Variants in DMD observed in about 807,000 individuals in gnomAD.
The protein encoded by DMD is dystrophin.
In DMD, 63 loss-of-function variants were observed where a neutral mutation model predicts 330.1. That is an observed-to-expected ratio of 0.19 (90% CI 0.16 to 0.24). The LOEUF (loss-of-function observed/expected upper bound fraction) is 0.24, where lower values mean the gene tolerates loss of function less well. Ranked by LOEUF, DMD falls within the 10% of genes least tolerant of loss-of-function variation. The pLI is 1.00. For synonymous variants in DMD, 1,223 were observed against 959.8 expected (o/e 1.27, Z -5.07); for missense variants, 3,344 against 2,684.1 (o/e 1.25, Z -5.43).
At chrX:31,420,636 T>C (rs1421347027) in intron 60 of DMD, among the ~76,000 whole-genome samples, 2 of 112,405 alleles carry the variant, frequency 1.8e-5, no homozygotes, top group Non-Finnish European at 3.8e-5. Context: ...CGTGGCTTCA[T>C]GTTCCAGCAA....
chrX:31,800,755 G>A (rs1265043066), intron 50 of DMD, among the ~76,000 whole-genome samples: 1 of 111,689 alleles, frequency 9.0e-6, no homozygotes, highest in Non-Finnish European at 1.9e-5. Flanking sequence ...TCTCTCTCAA[G>A]TTCAAATTTC....
chrX:32,985,889 C>T (rs1399645273), intron 2 of DMD, among the ~76,000 whole-genome samples: 1 of 111,448 alleles, frequency 9.0e-6, no homozygotes, highest in African/African-American at 3.3e-5. Flanking sequence ...CCAAAGGCAT[C>T]GTGTATTTGC....
chrX:33,053,151 C>T (rs1051767560), intron 1 of DMD, among the ~76,000 whole-genome samples: 33 of 111,584 alleles, frequency 3.0e-4, no homozygotes, highest in Non-Finnish European at 5.8e-4. Context: ...CATTTAATTA[C>T]TCACGTAATT....
Position 33,146,930 on chromosome X carries a change from C to T in DMD, c.31+64352G>A, listed in dbSNP as rs774486863. ...CTCCGCCTCCCAGGTTCAAGCGATT[C>T]TCCTGCCTCAGCCTCCCGAGTAGCT... is the stretch of plus-strand genomic sequence containing the variant. On this transcript the variant is annotated intron_variant, in intron 1 of 78. Transcript: ENST00000357033. 5.4e-5 allele frequency among the ~76,000 whole-genome samples: 6 copies of T among 110,566 alleles called. No homozygotes were observed. In the East Asian group the frequency reaches 8.6e-4, roughly 16 times the overall value.
chrX:33,202,490 T>C (rs1158260712), intron 1 of DMD, among the ~76,000 whole-genome samples: 2 of 112,110 alleles, frequency 1.8e-5, no homozygotes, highest in Non-Finnish European at 3.8e-5. Context: ...TGACACTTAT[T>C]ACAGGCTTGT....
At chrX:31,331,887 T>C (rs181303226) in intron 61 of DMD, among the ~76,000 whole-genome samples, 4 of 112,212 alleles carry the variant, frequency 3.6e-5, no homozygotes, top group Non-Finnish European at 7.5e-5. Flanking sequence ...GCAACTCAGA[T>C]ATTAAAAACC....
In DMD at chrX:32,190,055, T is replaced by A. The variant is rs139260498; in HGVS notation, c.6438+26861A>T. Reference sequence around the variant, plus strand: ...ACCAGTGATTTTCAACTAGGGATGATTTTGCTCCCCAAGGGACATTTGGAA... The same window carrying A: ...ACCAGTGATTTTCAACTAGGGATGAATTTGCTCCCCAAGGGACATTTGGAA... On this transcript the variant is annotated intron_variant, in intron 44 of 78. Coordinates refer to ENST00000357033, the MANE Select transcript of DMD (RefSeq NM_004006.3). 6.2e-4 allele frequency among the ~76,000 whole-genome samples: 69 copies of A among 110,617 alleles called. No homozygotes were observed. The East Asian group carries it at 0.018, about 29-fold the overall frequency.
At chrX:31,366,273 C>T (rs1419054618) in intron 60 of DMD, among the ~76,000 whole-genome samples, 1 of 109,035 alleles carries the variant, frequency 9.2e-6, no homozygotes, top group East Asian at 2.9e-4. Context: ...ATGTCTCAGG[C>T]TACGCACCAC....
intron 63 of DMD, among the ~76,000 whole-genome samples, chrX:31,256,601 A>G (rs1175093125): frequency 8.9e-6 from 1 of 111,918 alleles, no homozygotes; most frequent in Non-Finnish European, 1.9e-5. Context: ...CTCTACCACT[A>G]AAATGTCTAC....
At chrX:32,795,118 G>A (rs1200665664) in intron 7 of DMD, among the ~76,000 whole-genome samples, 1 of 111,808 alleles carries the variant, frequency 8.9e-6, no homozygotes, top group Non-Finnish European at 1.9e-5. Context: ...GTCCCTATCA[G>A]AATACAGAAA....
intron 77 of DMD, among the ~76,000 whole-genome samples, chrX:31,133,523 T>A (rs182905697): frequency 0.038 from 4,222 of 111,550 alleles, 134 homozygotes; most frequent in East Asian, 0.15. Context: ...AAAAGAAAAA[T>A]ATTAATGTCT....
At chrX:32,900,726 T>C (rs1007590074) in intron 2 of DMD, among the ~76,000 whole-genome samples, 1 of 111,145 alleles carries the variant, frequency 9.0e-6, no homozygotes, top group Non-Finnish European at 1.9e-5. Context: ...AAATCTTATA[T>C]GTACATCTAT....
chrX:32,069,313 G>A (rs1212519307), intron 44 of DMD, among the ~76,000 whole-genome samples: 1 of 111,132 alleles, frequency 9.0e-6, no homozygotes, highest in Admixed American at 9.6e-5. Flanking sequence ...TAAAATAAAA[G>A]CTAAATCTAA....
chrX:32,767,067 G>A, intron 7 of DMD, among the ~76,000 whole-genome samples: 1 of 111,066 alleles, frequency 9.0e-6, no homozygotes, highest in Middle Eastern at 4.7e-3. Context: ...CATTTACCTG[G>A]CTTCCAACCA....
intron 62 of DMD, among the ~76,000 whole-genome samples, chrX:31,280,832 C>T (rs1168709719): frequency 8.9e-6 from 1 of 111,750 alleles, no homozygotes; most frequent in African/African-American, 3.2e-5. Flanking sequence ...ATCCTCTCAT[C>T]CAATACAGAA....
chrX:33,272,664 G>GA (rs113135101), intron 1 of DMD, among the ~76,000 whole-genome samples: 2,393 of 84,539 alleles, frequency 0.028, 68 homozygotes, highest in African/African-American at 0.073. Context: ...ACATCAAAAT[G>GA]AAAAAAAAAA....
chrX:32,602,386 A>G (rs2056299244), intron 12 of DMD, among the ~76,000 whole-genome samples: 2 of 112,035 alleles, frequency 1.8e-5, no homozygotes, highest in East Asian at 5.6e-4. Flanking sequence ...TGAATAAATA[A>G]TTATAAAATG....
At chrX:32,627,258 T>TA (rs1220906123) in intron 11 of DMD, among the ~76,000 whole-genome samples, 1 of 97,646 alleles carries the variant, frequency 1.0e-5, no homozygotes, top group Non-Finnish European at 1.9e-5. Context: ...TTGTTAGGGT[T>TA]AACATGAACC....
intron 44 of DMD, among the ~76,000 whole-genome samples, chrX:31,971,545 A>G (rs2095399933): frequency 9.0e-6 from 1 of 110,819 alleles, no homozygotes; most frequent in South Asian, 3.8e-4. Context: ...TTTGTATGAG[A>G]AGGTTTTGCA....
Sources: gnomAD v4.1 joint callset for allele counts (sites outside exome capture counted in the v4.1 genomes callset) on GRCh38, gnomAD v4.1.1 for gene constraint, MANE v1.5 for transcripts, NCBI Gene and HGNC (gene_info 2026-07-23, HGNC 2026-07-21) for gene names.